The following PRKCQ variants were observed in gnomAD, a reference collection of about 807,000 sequenced individuals.
PRKCQ encodes protein kinase C theta, also known as protein kinase C theta type.
A neutral mutation model predicts 91.2 loss-of-function variants in PRKCQ; 41 were observed. The ratio of observed to expected loss-of-function variants is 0.45; its 90% CI spans 0.35 to 0.58. PRKCQ has a LOEUF of 0.58. Among genes scored for constraint, PRKCQ ranks in the 20% least tolerant of loss-of-function variants. The probability of loss-of-function intolerance (pLI) is 0.00; values close to 1 mark genes in which losing one functional copy is unlikely to be tolerated. For missense variants in PRKCQ, 673 were observed against 896.5 expected, an observed-to-expected ratio of 0.75 and a Z score of 3.18; for synonymous variants, 307 against 316.9, an observed-to-expected ratio of 0.97 and a Z score of 0.33.
At chr10:6,408,890 C>T in the PRKCQ span, among the ~76,000 whole-genome samples, 1 of 152,186 alleles carries the variant, frequency 6.6e-6, no homozygotes, top group African/African-American at 2.4e-5. Flanking sequence ...TATGAATTTA[C>T]GCAGAAGTGG....
chr10:6,515,976 G>A (rs1039563188), intron 1 of PRKCQ, among the ~76,000 whole-genome samples: 1 of 151,906 alleles, frequency 6.6e-6, no homozygotes, highest in African/African-American at 2.4e-5. Context: ...CTACTTTTCC[G>A]AGGTCCCATT....
At chr10:6,404,901 C>T in the PRKCQ span, among the ~76,000 whole-genome samples, 73 of 147,352 alleles carry the variant, frequency 5.0e-4, no homozygotes, top group African/African-American at 1.8e-3. Flanking sequence ...TTCTCTCTCT[C>T]TCTCCTTCCT....
intron 7 of PRKCQ, among the ~76,000 whole-genome samples, chr10:6,493,749 A>T (rs186060248): frequency 2.6e-5 from 4 of 152,206 alleles, no homozygotes; most frequent in Non-Finnish European, 5.9e-5. Flanking sequence ...AGAGATTGTG[A>T]TCTTAATTTT....
chr10:6,574,260 G>C (rs1248794083), intron 1 of PRKCQ, among the ~76,000 whole-genome samples: 2 of 152,242 alleles, frequency 1.3e-5, no homozygotes, highest in African/African-American at 4.8e-5. Flanking sequence ...GTGAGTTCAT[G>C]GGCAGGTAAA....
Position 6,496,972 on chromosome 10 carries a change from G to A in PRKCQ, c.660+63C>T, listed in dbSNP as rs1341379163. 3 of 1,421,516 alleles carry A rather than the reference G, an allele frequency of 2.1e-6. No individual in the cohort carries two copies. The Admixed American group carries it at 5.1e-5, about 24-fold the overall frequency. 88.1% of individuals were successfully genotyped at this position (1,421,516 alleles called of 1,614,324 possible). On this transcript the variant is annotated intron_variant, in intron 7 of 17. Coordinates refer to ENST00000263125, the MANE Select transcript of PRKCQ (RefSeq NM_006257.5). ...CTGGCATTATTCTGAAGAATTCGTG[G>A]GCTGTAACATTTAACGTTCTGATAA...
intron 1 of PRKCQ, among the ~76,000 whole-genome samples, chr10:6,520,738 C>G (rs762023505): frequency 1.3e-5 from 2 of 152,146 alleles, no homozygotes; most frequent in Non-Finnish European, 2.9e-5. Flanking sequence ...CTAGACAGCA[C>G]CTGTCATATT....
rs888737530 is a variant in PRKCQ at position 6,465,038 on chromosome 10, G to C, written c.1354-634C>G. Among the ~76,000 whole-genome samples the C allele has an allele frequency of 2.0e-5, 3 of 152,068 alleles. No homozygotes were observed. Among genetic ancestry groups the C allele is most frequent in the African/African-American group, 7.2e-5 (3 of 41,384 alleles). On this transcript the variant is annotated intron_variant, in intron 12 of 17. Transcript: ENST00000263125. The surrounding 1 kb of genome is among the most constrained non-coding windows in gnomAD (Gnocchi z 4.4). ...CAATGGGATGGTGCCAGGCACTTAGGGCACTTAGCATGTGCCGATTGTATA... is the reference window on the plus strand; with the variant it reads ...CAATGGGATGGTGCCAGGCACTTAGCGCACTTAGCATGTGCCGATTGTATA...
intron 4 of PRKCQ, among the ~76,000 whole-genome samples, chr10:6,506,680 T>C (rs781259637): frequency 1.3e-5 from 2 of 152,194 alleles, no homozygotes; most frequent in Admixed American, 6.5e-5. Flanking sequence ...GAATTATATA[T>C]GGTAAGCCGA....
chr10:6,551,165 C>T (rs149113261), intron 1 of PRKCQ, among the ~76,000 whole-genome samples: 118 of 152,218 alleles, frequency 7.8e-4, no homozygotes, highest in African/African-American at 2.8e-3. Context: ...ACCCTCCACC[C>T]TCTGACAGGC....
the PRKCQ span, among the ~76,000 whole-genome samples, chr10:6,419,954 G>A: frequency 6.6e-6 from 1 of 151,842 alleles, no homozygotes; most frequent in East Asian, 1.9e-4. Context: ...CTCCCAAAGT[G>A]CTAGGATTAT....
intron 15 of PRKCQ, among the ~76,000 whole-genome samples, chr10:6,446,076 A>G (rs1195075793): frequency 6.6e-6 from 1 of 152,194 alleles, no homozygotes; most frequent in Non-Finnish European, 1.5e-5. Flanking sequence ...CGTGCAGCAG[A>G]GTGTTCGCCT....
intron 15 of PRKCQ, among the ~76,000 whole-genome samples, chr10:6,449,810 A>G (rs1168384977): frequency 1.3e-5 from 2 of 152,240 alleles, no homozygotes; most frequent in Non-Finnish European, 2.9e-5. Context: ...TTTTCAACCC[A>G]CAATTTCATA....
intron 1 of PRKCQ, among the ~76,000 whole-genome samples, chr10:6,535,242 C>T (rs1426430008): frequency 6.6e-6 from 1 of 152,156 alleles, no homozygotes; most frequent in Non-Finnish European, 1.5e-5. Flanking sequence ...GTCTCTCTTT[C>T]ACCTAATACC....
chr10:6,494,645 G>A (rs528007426), intron 7 of PRKCQ, among the ~76,000 whole-genome samples: 1 of 152,252 alleles, frequency 6.6e-6, no homozygotes, highest in South Asian at 2.1e-4. Flanking sequence ...TGTAGGAGGA[G>A]CGGTCTCTGA....
chr10:6,528,505 GT>G (rs1839277913), intron 1 of PRKCQ, among the ~76,000 whole-genome samples: 1 of 152,158 alleles, frequency 6.6e-6, no homozygotes, highest in Non-Finnish European at 1.5e-5. Flanking sequence ...TTGCCTGAAC[GT>G]TTTAGCCATC....
Position 6,427,982 on chromosome 10 carries a change from G to A in PRKCQ, c.*225C>T. 3 of 559,182 alleles carry A rather than the reference G, an allele frequency of 5.4e-6. No homozygotes were observed. Among genetic ancestry groups the A allele is most frequent in the East Asian group, 3.2e-5 (1 of 31,370 alleles). The allele number at this position is 559,182 out of a possible 1,614,324, so 34.6% of individuals were successfully genotyped here. A position where few individuals can be genotyped will look rare whatever the true frequency, so the allele number is the denominator to read the frequency against. ...ATGGTTAGTAATGACCTAACTTCAGGAGCGTCTGTGAGACATGTCAGGAGA... is the reference window on the plus strand; with the variant it reads ...ATGGTTAGTAATGACCTAACTTCAGAAGCGTCTGTGAGACATGTCAGGAGA... On this transcript the variant is annotated 3_prime_UTR_variant, in exon 18 of 18. Transcript: ENST00000263125.
rs142122429 is a variant in PRKCQ, at chr10:6,435,787, T to C, written c.1837-4849A>G. The stretch of plus-strand genomic sequence containing the variant: ...CTGCATTCAAAGCCATCCTGGGCTG[T>C]ATGCAGGGCGTGGGTTGGGCAAGCT... On this transcript the variant is annotated intron_variant, in intron 16 of 17. Coordinates refer to ENST00000263125, the MANE Select transcript of PRKCQ (RefSeq NM_006257.5). 2.8e-3 allele frequency among the ~76,000 whole-genome samples: 421 copies of C among 152,342 alleles called. 3 individuals are homozygous for C. The highest frequency in any genetic ancestry group is 9.8e-3 in the African/African-American group (406 of 41,580).
In PRKCQ at chr10:6,467,284, T is replaced by C. The variant is rs751878546; in HGVS notation, c.1354-2880A>G. 3.4e-5 allele frequency among the ~76,000 whole-genome samples: 5 copies of C among 145,808 alleles called. 1 individual carries two copies. The South Asian group carries it at 8.6e-4, about 25-fold the overall frequency. On this transcript the variant is annotated intron_variant, in intron 12 of 17. Transcript: ENST00000263125. ...GTTCTGGCCACCTGCTGAGAGAGGA[T>C]ACCAAGCAGGCTGAGAGAGAGAGAG... is the stretch of plus-strand genomic sequence containing the variant.
At chr10:6,513,358 A>T (rs1838582359) in intron 2 of PRKCQ, among the ~76,000 whole-genome samples, 1 of 151,844 alleles carries the variant, frequency 6.6e-6, no homozygotes, top group Middle Eastern at 3.2e-3. Context: ...CCACAGGCTA[A>T]TATTTAGGAA....
Sources: allele counts gnomAD v4.1 joint callset (sites outside exome capture counted in the v4.1 genomes callset), GRCh38; gene constraint gnomAD v4.1.1; non-coding constraint Gnocchi (gnomAD v3.1); transcripts MANE v1.5; gene names NCBI Gene and HGNC (gene_info 2026-07-23, HGNC 2026-07-21).